The following PRR16 variants were observed in gnomAD, a reference collection of about 807,000 sequenced individuals.
PRR16 encodes protein Largen.
Under a neutral mutation model 18.2 loss-of-function variants are expected in PRR16, and 6 were observed. The observed-to-expected ratio is 0.33, with a 90% CI of 0.18 to 0.65. PRR16 has a LOEUF of 0.65. Among genes scored for constraint, PRR16 ranks in the 30% least tolerant of loss-of-function variants. PRR16 has a pLI of 0.74. For synonymous variants in PRR16, 151 were observed against 147.8 expected, an observed-to-expected ratio of 1.02 and a Z score of -0.16; for missense variants, 412 against 376.6, an observed-to-expected ratio of 1.09 and a Z score of -0.78.
intron 1 of PRR16, among the ~76,000 whole-genome samples, chr5:120,664,421 G>T (rs1191123936): frequency 6.6e-6 from 1 of 151,090 alleles, no homozygotes; most frequent in East Asian, 2.0e-4. Flanking sequence ...TGTTAGATGC[G>T]ATGAGGCAAT....
chr5:120,794,212 C>G, the PRR16 span, among the ~76,000 whole-genome samples: 3 of 152,072 alleles, frequency 2.0e-5, no homozygotes, highest in Non-Finnish European at 4.4e-5. Flanking sequence ...TAAAATATAT[C>G]TGACTGAGTA....
Position 120,496,653 on chromosome 5 carries a change from G to C in PRR16, c.159+32008G>C, listed in dbSNP as rs10463727. ...AAATTTATTTTTTTTTGAAGAAAAA[G>C]GGCTCTATATTTGATTTATTTTGAT... is the stretch of plus-strand genomic sequence containing the variant. On this transcript the variant is annotated intron_variant, in intron 1 of 1. Coordinates refer to ENST00000407149, the MANE Select transcript of PRR16 (RefSeq NM_001300783.2). 0.013 allele frequency among the ~76,000 whole-genome samples: 1,926 copies of C among 151,636 alleles called. 181 individuals carry two copies. In the East Asian group the frequency reaches 0.25, roughly 20 times the overall value.
chr5:120,772,192 A>C, the PRR16 span, among the ~76,000 whole-genome samples: 4 of 152,126 alleles, frequency 2.6e-5, no homozygotes, highest in African/African-American at 4.8e-5. Context: ...AACTCAAAAC[A>C]TGCAGTATTG....
rs183214022 is a variant in PRR16 at position 120,637,571 on chromosome 5, C to A, written c.160-48383C>A. Reference sequence around the variant, plus strand: ...TCAGGAATGGAAAATCAAACATGTTCTCACTCACTTATGGGAGCTAAGTTA... The same window carrying A: ...TCAGGAATGGAAAATCAAACATGTTATCACTCACTTATGGGAGCTAAGTTA... On this transcript the variant is annotated intron_variant, in intron 1 of 1. Transcript: ENST00000407149. 2.6e-3 allele frequency among the ~76,000 whole-genome samples: 394 copies of A among 152,156 alleles called. 4 individuals are homozygous for A. Among genetic ancestry groups the A allele is most frequent in the Non-Finnish European group, 3.0e-3 (207 of 67,996 alleles).
chr5:120,714,355 T>A, the PRR16 span, among the ~76,000 whole-genome samples: 1 of 152,308 alleles, frequency 6.6e-6, no homozygotes, highest in East Asian at 1.9e-4. Context: ...TATAGAAATT[T>A]ATTGGTTGCC....
rs185594768 is a variant in PRR16, at chr5:120,519,867, G to T, written c.159+55222G>T. On this transcript the variant is annotated intron_variant, in intron 1 of 1. Transcript: ENST00000407149. ...AGCTGAAAAAGAATAATTTTTATGG[G>T]TTTTTTTCTCATTTTTAAAAAACAC... Among the ~76,000 whole-genome samples, 242 of 151,928 alleles carry T rather than the reference G, an allele frequency of 1.6e-3. 3 individuals are homozygous for T. In the East Asian group the frequency reaches 0.025, roughly 16 times the overall value.
intron 1 of PRR16, among the ~76,000 whole-genome samples, chr5:120,636,484 T>C (rs1471646825): frequency 6.6e-6 from 1 of 151,832 alleles, no homozygotes; most frequent in Non-Finnish European, 1.5e-5. Context: ...ATATTAATAC[T>C]TAAAGCTGAC....
At chr5:120,465,026 C>T (rs1749029643) in intron 1 of PRR16, among the ~76,000 whole-genome samples, 1 of 152,032 alleles carries the variant, frequency 6.6e-6, no homozygotes, top group African/African-American at 2.4e-5. Flanking sequence ...CTATTGCTTC[C>T]CCAGAGTCCT....
chr5:120,561,511 T>G (rs1179147131), intron 1 of PRR16, among the ~76,000 whole-genome samples: 6 of 152,200 alleles, frequency 3.9e-5, no homozygotes, highest in Non-Finnish European at 7.3e-5. Flanking sequence ...TTGAATATTT[T>G]AAGAACTTGT....
At chr5:120,594,386 A>G (rs1753736240) in intron 1 of PRR16, among the ~76,000 whole-genome samples, 1 of 152,084 alleles carries the variant, frequency 6.6e-6, no homozygotes, top group Non-Finnish European at 1.5e-5. Flanking sequence ...GTAATAAAAT[A>G]CCTAGGAATA....
intron 1 of PRR16, among the ~76,000 whole-genome samples, chr5:120,597,991 A>C (rs943106415): frequency 3.3e-5 from 5 of 151,988 alleles, no homozygotes; most frequent in Admixed American, 1.3e-4. Context: ...ATGAATATGG[A>C]GGTCTCCCAG....
At chr5:120,734,568 T>G in the PRR16 span, among the ~76,000 whole-genome samples, 2 of 152,124 alleles carry the variant, frequency 1.3e-5, no homozygotes, top group African/African-American at 4.8e-5. Context: ...TTGAAAATTC[T>G]TATAGCAGTA....
chr5:120,727,204 C>G, the PRR16 span, among the ~76,000 whole-genome samples: 1 of 151,870 alleles, frequency 6.6e-6, no homozygotes, highest in Non-Finnish European at 1.5e-5. Context: ...TTTCTTTATG[C>G]CAAGTATATC....
chr5:120,791,022 G>A, the PRR16 span, among the ~76,000 whole-genome samples: 3 of 152,204 alleles, frequency 2.0e-5, no homozygotes, highest in South Asian at 4.1e-4. Flanking sequence ...CAAATACAGT[G>A]AAATGCACAC....
the PRR16 span, among the ~76,000 whole-genome samples, chr5:120,730,879 C>T: frequency 0.2 from 30,791 of 152,122 alleles, 3,824 homozygotes; most frequent in Non-Finnish European, 0.27. Flanking sequence ...TCGCAATGCT[C>T]AGCTGAGAAT....
At chr5:120,698,209 G>T in the PRR16 span, among the ~76,000 whole-genome samples, 10 of 152,088 alleles carry the variant, frequency 6.6e-5, no homozygotes, top group African/African-American at 2.4e-4. Context: ...AGATTAAGCT[G>T]AAGGAAGATT....
At chr5:120,736,162 C>T in the PRR16 span, among the ~76,000 whole-genome samples, 26 of 152,218 alleles carry the variant, frequency 1.7e-4, no homozygotes, top group Non-Finnish European at 3.7e-4. Context: ...GTTGATTCTA[C>T]TGCATTGGCA....
the PRR16 span, among the ~76,000 whole-genome samples, chr5:120,723,109 G>A: frequency 1.0e-3 from 156 of 151,894 alleles, no homozygotes; most frequent in African/African-American, 3.3e-3. Context: ...ATTCGCTTTT[G>A]TAGCAATACC....
At chr5:120,579,490 A>G (rs1753193195) in intron 1 of PRR16, among the ~76,000 whole-genome samples, 1 of 152,172 alleles carries the variant, frequency 6.6e-6, no homozygotes, top group Non-Finnish European at 1.5e-5. Flanking sequence ...TTTTCCCAGC[A>G]TCATTTACTG....
Sources: allele counts gnomAD v4.1 joint callset (sites outside exome capture counted in the v4.1 genomes callset), GRCh38; gene constraint gnomAD v4.1.1; transcripts MANE v1.5; gene names NCBI Gene and HGNC (gene_info 2026-07-23, HGNC 2026-07-21).